The following GRM7 variants were observed in gnomAD, a reference collection of about 807,000 sequenced individuals.
The protein encoded by GRM7 is glutamate metabotropic receptor 7.
In GRM7, 35 loss-of-function variants were observed where a neutral mutation model predicts 84.5. The ratio of observed to expected loss-of-function variants is 0.41; its 90% CI spans 0.32 to 0.55. The LOEUF (loss-of-function observed/expected upper bound fraction) is 0.55. Among genes scored for constraint, GRM7 ranks in the 20% least tolerant of loss-of-function variants. The pLI is 0.19. For synonymous variants in GRM7, 487 were observed against 455.1 expected (o/e 1.07, Z -0.89); for missense variants, 1,003 against 1,194.6 (o/e 0.84, Z 2.36).
intron 4 of GRM7, among the ~76,000 whole-genome samples, chr3:7,309,744 G>A (rs908157066): frequency 6.6e-6 from 1 of 152,056 alleles, no homozygotes; most frequent in African/African-American, 2.4e-5. Flanking sequence ...GTGGAAAAAG[G>A]GAACTTTAGT....
intron 7 of GRM7, among the ~76,000 whole-genome samples, chr3:7,542,640 C>T (rs529315224): frequency 1.7e-4 from 26 of 151,594 alleles, no homozygotes; most frequent in Non-Finnish European, 2.1e-4. Flanking sequence ...CTTCACCTCC[C>T]GGGTTCAAGC....
intron 8 of GRM7, among the ~76,000 whole-genome samples, chr3:7,593,739 T>C (rs1325233514): frequency 6.6e-6 from 1 of 152,104 alleles, no homozygotes; most frequent in Non-Finnish European, 1.5e-5. Context: ...GCTATTTATG[T>C]AGGGCTTTGG....
chr3:7,559,035 T>G (rs1693892526), intron 7 of GRM7: 1 of 152,516 alleles, frequency 6.6e-6, no homozygotes, highest in South Asian at 2.1e-4. Context: ...CATCAGAAAA[T>G]TATTGAGCTC....
Position 7,518,207 on chromosome 3 carries a change from C to A in GRM7, c.1515+56485C>A, listed in dbSNP as rs142695360. On this transcript the variant is annotated intron_variant, in intron 7 of 9. Transcript: ENST00000357716. The stretch of plus-strand genomic sequence containing the variant: ...GTGGTGTGATTCCTTTTTCAGCAAG[C>A]GGCTTCAATGTCTTCAACTAGGAAG... Among the ~76,000 whole-genome samples, 553 of 152,278 alleles carry A rather than the reference C, an allele frequency of 3.6e-3. 3 individuals are homozygous for A. Among genetic ancestry groups the A allele is most frequent in the African/African-American group, 0.012 (518 of 41,554 alleles).
chr3:6,880,887 G>A (rs1231725021), intron 1 of GRM7, among the ~76,000 whole-genome samples: 1 of 152,096 alleles, frequency 6.6e-6, no homozygotes, highest in Non-Finnish European at 1.5e-5. Flanking sequence ...TGTGTGTAAT[G>A]CTTCTAATAA....
intron 1 of GRM7, among the ~76,000 whole-genome samples, chr3:6,937,785 G>C (rs949658216): frequency 6.6e-6 from 1 of 152,186 alleles, no homozygotes; most frequent in Admixed American, 6.5e-5. Context: ...TCTATTATCT[G>C]TTATCACAAT....
At chr3:7,680,001 C>T (rs1187598572) in intron 8 of GRM7, 48 bp from the exon 9 acceptor site, 2 of 1,591,398 alleles carry the variant, frequency 1.3e-6, no homozygotes, top group South Asian at 2.2e-5. Context: ...CAGACCCCTA[C>T]TGCAGTCATT....
chr3:6,899,504 G>A (rs1055372297), intron 1 of GRM7, among the ~76,000 whole-genome samples: 1 of 152,116 alleles, frequency 6.6e-6, no homozygotes, highest in Non-Finnish European at 1.5e-5. Flanking sequence ...GTTCTCTAGA[G>A]GTCAAAAGGA....
intron 4 of GRM7, among the ~76,000 whole-genome samples, chr3:7,314,282 A>T (rs1463733530): frequency 6.6e-6 from 1 of 152,184 alleles, no homozygotes; most frequent in Non-Finnish European, 1.5e-5. Flanking sequence ...TCCCTAAGTT[A>T]TCGTATCCAC....
rs567509392 is a variant in GRM7 at position 7,238,996 on chromosome 3, C to CTTTT, written c.737-59688_737-59687insTTTT. The stretch of plus-strand genomic sequence containing the variant: ...TTCTTTTCCCTTTCTTTTCTTTTTT[C>CTTTT]CTTTTTCTTTTTTTTGACATGGTCT... On this transcript the variant is annotated intron_variant, in intron 2 of 9. Coordinates refer to ENST00000357716, the MANE Select transcript of GRM7 (RefSeq NM_000844.4). Among the ~76,000 whole-genome samples the CTTTT allele has an allele frequency of 1.2e-4, 14 of 118,358 alleles. 2 individuals carry two copies. Among genetic ancestry groups the CTTTT allele is most frequent in the Admixed American group, 1.9e-4 (2 of 10,670 alleles). 77.6% of individuals were successfully genotyped at this position (118,358 alleles called of 152,430 possible). A position where few individuals can be genotyped will look rare whatever the true frequency, so the allele number is the denominator to read the frequency against.
At chr3:6,947,128 GC>G in intron 1 of GRM7, among the ~76,000 whole-genome samples, 2 of 152,258 alleles carry the variant, frequency 1.3e-5, no homozygotes, top group South Asian at 4.2e-4. Flanking sequence ...CCTGTCTTGT[GC>G]CAGTTTTCAA....
chr3:7,537,848 A>C (rs1692639694), intron 7 of GRM7, among the ~76,000 whole-genome samples: 1 of 152,194 alleles, frequency 6.6e-6, no homozygotes, highest in African/African-American at 2.4e-5. Flanking sequence ...AGGCCCACTA[A>C]ATTGTAAGAA....
intron 7 of GRM7, among the ~76,000 whole-genome samples, chr3:7,467,658 T>A (rs1698517219): frequency 6.6e-6 from 1 of 152,044 alleles, no homozygotes. Flanking sequence ...AAAGAAAAAC[T>A]AGATCTAGGT....
At chr3:7,304,177 A>G (rs1402354187) in intron 3 of GRM7, among the ~76,000 whole-genome samples, 1 of 152,046 alleles carries the variant, frequency 6.6e-6, no homozygotes, top group Non-Finnish European at 1.5e-5. Flanking sequence ...GCGGAGGGAA[A>G]AATCTAATAG....
At chr3:7,522,290 G>A (rs975659687) in intron 7 of GRM7, among the ~76,000 whole-genome samples, 1 of 145,886 alleles carries the variant, frequency 6.9e-6, no homozygotes, top group Non-Finnish European at 1.5e-5. Context: ...CTCGGGGTAG[G>A]GGGAGGAAGA....
chr3:7,267,272 C>A (rs1698677667), intron 2 of GRM7, among the ~76,000 whole-genome samples: 1 of 152,128 alleles, frequency 6.6e-6, no homozygotes, highest in Admixed American at 6.5e-5. Flanking sequence ...CTTTGGTTTG[C>A]AAGAACAGAA....
chr3:7,210,775 A>G (rs376609587), intron 2 of GRM7, among the ~76,000 whole-genome samples: 6 of 150,770 alleles, frequency 4.0e-5, no homozygotes, highest in African/African-American at 1.2e-4. Flanking sequence ...ACAGCGATAA[A>G]GACAATTATG....
chr3:7,581,744 T>C (rs1331338055), intron 8 of GRM7, among the ~76,000 whole-genome samples: 1 of 152,200 alleles, frequency 6.6e-6, no homozygotes, highest in Non-Finnish European at 1.5e-5. Flanking sequence ...AGTTCAGTAA[T>C]AACAATTTAC....
At chr3:7,111,218 G>A (rs1388146342) in intron 1 of GRM7, among the ~76,000 whole-genome samples, 1 of 152,108 alleles carries the variant, frequency 6.6e-6, no homozygotes, top group Admixed American at 6.5e-5. Context: ...CACGAGGATG[G>A]ATTCCTAAAT....
Sources: allele counts gnomAD v4.1 joint callset (sites outside exome capture counted in the v4.1 genomes callset), GRCh38; gene constraint gnomAD v4.1.1; transcripts MANE v1.5; gene names NCBI Gene and HGNC (gene_info 2026-07-23, HGNC 2026-07-21).